The following PHKB variants were observed in gnomAD, a reference collection of about 807,000 sequenced individuals.
The protein encoded by PHKB is phosphorylase b kinase regulatory subunit beta.
In PHKB, 122 loss-of-function variants were observed where a neutral mutation model predicts 152.1. That is an observed-to-expected ratio of 0.80 (90% CI 0.69 to 0.93). The LOEUF (loss-of-function observed/expected upper bound fraction) is 0.93, where lower values mean the gene tolerates loss of function less well. Among genes scored for constraint, PHKB ranks in the 40% least tolerant of loss-of-function variants. The probability of loss-of-function intolerance (pLI) is 0.00; values close to 1 mark genes in which losing one functional copy is unlikely to be tolerated. For synonymous variants in PHKB, 436 were observed against 464.9 expected (o/e 0.94, Z 0.80); for missense variants, 1,304 against 1,328.4 (o/e 0.98, Z 0.29).
intron 14 of PHKB, among the ~76,000 whole-genome samples, chr16:47,626,652 A>T (rs967969862): frequency 6.6e-6 from 1 of 152,202 alleles, no homozygotes; most frequent in African/African-American, 2.4e-5. Flanking sequence ...AGAAACAGAG[A>T]TTCTGCTTCT....
intron 14 of PHKB, among the ~76,000 whole-genome samples, chr16:47,612,478 C>G (rs1444581861): frequency 6.6e-6 from 1 of 152,202 alleles, no homozygotes; most frequent in Non-Finnish European, 1.5e-5. Flanking sequence ...GCAACTCTTT[C>G]TCTCCTGCTC....
intron 1 of PHKB, among the ~76,000 whole-genome samples, chr16:47,477,367 A>G (rs1969886168): frequency 6.6e-6 from 1 of 152,212 alleles, no homozygotes; most frequent in Admixed American, 6.5e-5. Flanking sequence ...TTGAATAATA[A>G]TACAAGTTGA....
chr16:47,547,669 C>G, intron 7 of PHKB, 121 bp downstream of exon 7: 1 of 683,196 alleles, frequency 1.5e-6, no homozygotes. Flanking sequence ...CAATTTTTTT[C>G]TACCTATGAT....
intron 7 of PHKB, among the ~76,000 whole-genome samples, chr16:47,559,996 A>G (rs553015017): frequency 6.6e-6 from 1 of 152,192 alleles, no homozygotes; most frequent in Non-Finnish European, 1.5e-5. Flanking sequence ...ATTGTCATGA[A>G]ATTTGTTTAA....
intron 25 of PHKB, 55 bp from the exon 26 acceptor site, chr16:47,669,160 A>G: frequency 1.4e-6 from 2 of 1,404,370 alleles, no homozygotes; most frequent in Non-Finnish European, 2.0e-6. Flanking sequence ...TTTTTTTTTA[A>G]TTTTTATCTT....
At chr16:47,524,576 C>G (rs1156596315) in intron 6 of PHKB, among the ~76,000 whole-genome samples, 1 of 152,162 alleles carries the variant, frequency 6.6e-6, no homozygotes, top group Non-Finnish European at 1.5e-5. Context: ...CGAGACCAGC[C>G]TGGCCAACAT....
chr16:47,503,830 A>G (rs1232889801), intron 4 of PHKB, among the ~76,000 whole-genome samples: 1 of 152,196 alleles, frequency 6.6e-6, no homozygotes, highest in Admixed American at 6.5e-5. Flanking sequence ...TCTGTCTCAA[A>G]AAACAAAAAG....
At chr16:47,643,493 C>T (rs910502618) in intron 16 of PHKB, among the ~76,000 whole-genome samples, 1 of 152,146 alleles carries the variant, frequency 6.6e-6, no homozygotes, top group Non-Finnish European at 1.5e-5. Flanking sequence ...AAATGACTTG[C>T]AATTTTGGTG....
intron 14 of PHKB, among the ~76,000 whole-genome samples, chr16:47,621,162 A>G (rs1312612456): frequency 1.3e-5 from 2 of 152,106 alleles, no homozygotes; most frequent in African/African-American, 2.4e-5. Flanking sequence ...TAATTCGTAA[A>G]TCCCCTTCCA....
At chr16:47,548,157 C>T (rs1971206882) in intron 7 of PHKB, 2 of 152,948 alleles carry the variant, frequency 1.3e-5, no homozygotes, top group African/African-American at 4.8e-5. Flanking sequence ...ACTGATTGTA[C>T]CTTTCCTAAA....
chr16:47,469,161 G>C (rs1207590464), intron 1 of PHKB, among the ~76,000 whole-genome samples: 3 of 152,208 alleles, frequency 2.0e-5, no homozygotes, highest in African/African-American at 7.2e-5. Flanking sequence ...GTCCAGAAGA[G>C]TGCCTGGAAC....
chr16:47,500,770 A>C (rs749533328), intron 3 of PHKB, among the ~76,000 whole-genome samples: 14 of 152,208 alleles, frequency 9.2e-5, no homozygotes, highest in African/African-American at 3.4e-4. Flanking sequence ...TGTAGAAAGC[A>C]CTGAATGTGG....
intron 16 of PHKB, among the ~76,000 whole-genome samples, chr16:47,647,779 G>A (rs888174260): frequency 7.9e-5 from 12 of 152,126 alleles, no homozygotes; most frequent in Non-Finnish European, 1.6e-4. Context: ...TTACAGGCGT[G>A]AGCCACCATG....
intron 29 of PHKB, 148 bp downstream of exon 29, chr16:47,696,636 C>T (rs371628694): frequency 2.9e-5 from 20 of 686,120 alleles, no homozygotes; most frequent in African/African-American, 1.2e-4. Context: ...CTATTCTTTC[C>T]GGAACCTTGA....
At chr16:47,672,177 C>A (rs1973649473) in intron 26 of PHKB, among the ~76,000 whole-genome samples, 2 of 152,058 alleles carry the variant, frequency 1.3e-5, no homozygotes, top group African/African-American at 4.8e-5. Flanking sequence ...TTTGTCTCTT[C>A]TTTCTTTTGA....
intron 25 of PHKB, chr16:47,665,685 A>C (rs1015647819): frequency 2.4e-5 from 13 of 552,590 alleles, no homozygotes; most frequent in Non-Finnish European, 4.2e-5. Flanking sequence ...TGCTTTTTAT[A>C]TCAATAGTGT....
intron 1 of PHKB, among the ~76,000 whole-genome samples, chr16:47,465,356 T>C (rs1325741755): frequency 1.3e-5 from 2 of 152,174 alleles, no homozygotes; most frequent in Non-Finnish European, 2.9e-5. Flanking sequence ...AAATAGAATG[T>C]TTAAAGATAG....
intron 13 of PHKB, among the ~76,000 whole-genome samples, chr16:47,597,500 A>G (rs552757132): frequency 2.0e-5 from 3 of 152,178 alleles, no homozygotes; most frequent in South Asian, 2.1e-4. Flanking sequence ...TTTCCTAACT[A>G]TATTTTCTGG....
rs747429850 is a variant in PHKB, at chr16:47,660,465, A to T, written c.1972-41A>T. 1.5e-4 allele frequency: 227 copies of T among 1,511,572 alleles called. 1 individual carries two copies. The South Asian group carries it at 2.4e-3, about 16-fold the overall frequency. The allele number at this position is 1,511,572 out of a possible 1,614,324, so 93.6% of individuals were successfully genotyped here. On this transcript the variant is annotated intron_variant, in intron 20 of 30. Coordinates refer to ENST00000323584, the MANE Select transcript of PHKB (RefSeq NM_000293.3). Reference sequence around the variant, plus strand: ...ACACAGGCCATTAGAGTATGGCTTGATGTATCTAAGAGTTTCTAATCTTTT... The same window carrying T: ...ACACAGGCCATTAGAGTATGGCTTGTTGTATCTAAGAGTTTCTAATCTTTT...
Sources: allele counts gnomAD v4.1 joint callset (sites outside exome capture counted in the v4.1 genomes callset), GRCh38; gene constraint gnomAD v4.1.1; transcripts MANE v1.5; gene names NCBI Gene and HGNC (gene_info 2026-07-23, HGNC 2026-07-21).